PALM2AKAP2: variants seen among roughly 807,000 people sequenced by gnomAD.
PALM2AKAP2 encodes PALM2-AKAP2 fusion protein.
Under a neutral mutation model 71.5 loss-of-function variants are expected in PALM2AKAP2, and 37 were observed. The ratio of observed to expected loss-of-function variants is 0.52; its 90% CI spans 0.40 to 0.68. The LOEUF (loss-of-function observed/expected upper bound fraction) is 0.68, where lower values mean the gene tolerates loss of function less well. Ranked by LOEUF, PALM2AKAP2 falls within the 30% of genes least tolerant of loss-of-function variation. The pLI is 0.00. For missense variants in PALM2AKAP2, 1,224 were observed against 1,191.8 expected (o/e 1.03, Z -0.40); for synonymous variants, 468 against 478.8 (o/e 0.98, Z 0.29).
rs932094075 is a variant in PALM2AKAP2, at chr9:110,006,109, T to C, written c.497-9845T>C. On this transcript the variant is annotated intron_variant, in intron 6 of 9. Transcript: ENST00000302798. ...GGAAATGCAGAAATCGTTTGTCTTC[T>C]GCGTCACTCATGCTGGGAGCTATAG... 2.6e-5 allele frequency among the ~76,000 whole-genome samples: 4 copies of C among 152,344 alleles called. No homozygotes were observed. The South Asian group carries it at 8.3e-4, about 32-fold the overall frequency.
chr9:110,158,694 A>T (rs545214713), intron 3 of PALM2AKAP2, among the ~76,000 whole-genome samples: 132 of 152,352 alleles, frequency 8.7e-4, no homozygotes, highest in Non-Finnish European at 1.6e-3. Flanking sequence ...TATATTTTCC[A>T]GTAAATAAAC....
At chr9:110,037,567 C>T (rs1403610741) in intron 7 of PALM2AKAP2, among the ~76,000 whole-genome samples, 3 of 152,158 alleles carry the variant, frequency 2.0e-5, no homozygotes, top group African/African-American at 7.2e-5. Flanking sequence ...TAGAAATTAA[C>T]AAAAGAGACC....
chr9:110,145,310 G>A (rs1434997254), intron 2 of PALM2AKAP2, among the ~76,000 whole-genome samples: 1 of 152,140 alleles, frequency 6.6e-6, no homozygotes, highest in African/African-American at 2.4e-5. Flanking sequence ...AGATCTGAGC[G>A]GATAGCCAAG....
At chr9:110,138,513 C>T (rs769839334) in exon 2 of PALM2AKAP2, 6 of 1,609,140 alleles carry the variant, frequency 3.7e-6, no homozygotes, top group Non-Finnish European at 5.1e-6. Flanking sequence ...TCACTGCCCT[C>T]CAGAACATGC....
chr9:109,897,938 T>C (rs1367578884), intron 3 of PALM2AKAP2, among the ~76,000 whole-genome samples: 1 of 152,226 alleles, frequency 6.6e-6, no homozygotes, highest in Non-Finnish European at 1.5e-5. Flanking sequence ...GAAGCCCATT[T>C]ACTGTTTGGA....
At chr9:109,978,182 G>A (rs1052451430) in intron 6 of PALM2AKAP2, among the ~76,000 whole-genome samples, 4 of 152,142 alleles carry the variant, frequency 2.6e-5, no homozygotes, top group African/African-American at 9.7e-5. Context: ...GGGAGATGGA[G>A]AGAGGGGAGA....
intron 1 of PALM2AKAP2, among the ~76,000 whole-genome samples, chr9:109,784,911 G>C (rs566509497): frequency 6.6e-6 from 1 of 152,278 alleles, no homozygotes; most frequent in South Asian, 2.1e-4. Flanking sequence ...CTCCTTTTGA[G>C]AGTCTTTCAA....
intron 6 of PALM2AKAP2, among the ~76,000 whole-genome samples, chr9:109,978,937 G>A (rs1462377573): frequency 6.6e-6 from 1 of 152,030 alleles, no homozygotes; most frequent in East Asian, 1.9e-4. Flanking sequence ...AGGTACCACT[G>A]GGCCCCTGTT....
intron 1 of PALM2AKAP2, among the ~76,000 whole-genome samples, chr9:110,104,025 C>A (rs1055828611): frequency 6.6e-6 from 1 of 152,178 alleles, no homozygotes; most frequent in African/African-American, 2.4e-5. Context: ...TAGGACCAGT[C>A]AAGGGTTTGC....
intron 1 of PALM2AKAP2, among the ~76,000 whole-genome samples, chr9:109,660,854 C>T (rs1213789855): frequency 1.3e-5 from 2 of 152,126 alleles, no homozygotes; most frequent in Non-Finnish European, 2.9e-5. Flanking sequence ...TTAATGATTG[C>T]CATTCTAACT....
chr9:109,878,491 G>A (rs1471071530), intron 2 of PALM2AKAP2, among the ~76,000 whole-genome samples: 1 of 152,140 alleles, frequency 6.6e-6, no homozygotes, highest in African/African-American at 2.4e-5. Context: ...TAATCAAAGA[G>A]ATCTCTACAA....
chr9:109,714,654 A>G (rs1049852909), intron 1 of PALM2AKAP2, among the ~76,000 whole-genome samples: 1 of 152,140 alleles, frequency 6.6e-6, no homozygotes, highest in Non-Finnish European at 1.5e-5. Flanking sequence ...TAACACCGAT[A>G]ATTATGACCA....
At chr9:109,997,989 A>G (rs1248438231) in intron 6 of PALM2AKAP2, among the ~76,000 whole-genome samples, 1 of 152,238 alleles carries the variant, frequency 6.6e-6, no homozygotes, top group African/African-American at 2.4e-5. Flanking sequence ...CCAAGAACAA[A>G]GTGAGATTTT....
chr9:110,056,058 A>C (rs1362248359), intron 1 of PALM2AKAP2, among the ~76,000 whole-genome samples: 2 of 152,166 alleles, frequency 1.3e-5, no homozygotes, highest in Non-Finnish European at 2.9e-5. Flanking sequence ...GTCACCCAGT[A>C]GGGGGCAGGG....
intron 2 of PALM2AKAP2, among the ~76,000 whole-genome samples, chr9:110,138,747 G>T (rs1332229384): frequency 1.3e-5 from 2 of 152,218 alleles, no homozygotes; most frequent in African/African-American, 4.8e-5. Context: ...CATGGAGTTT[G>T]CCACTTTCCA....
intron 1 of PALM2AKAP2, among the ~76,000 whole-genome samples, chr9:109,865,096 C>CTTTTCTTTTTT (rs1829413801): frequency 2.6e-5 from 2 of 75,642 alleles, no homozygotes; most frequent in Non-Finnish European, 4.6e-5. Context: ...CTACTCATTC[C>CTTTTCTTTTTT]TTTTTTTTTT....
At chr9:109,814,759 A>T (rs766944262) in intron 1 of PALM2AKAP2, among the ~76,000 whole-genome samples, 4 of 152,376 alleles carry the variant, frequency 2.6e-5, no homozygotes, top group Middle Eastern at 6.8e-3. Context: ...ACCAAGACTC[A>T]TCTATCAACC....
chr9:110,021,712 T>A (rs1833076851), intron 7 of PALM2AKAP2, among the ~76,000 whole-genome samples: 1 of 151,650 alleles, frequency 6.6e-6, no homozygotes. Flanking sequence ...TATCCTATTC[T>A]GTTTTGTTGC....
intron 6 of PALM2AKAP2, among the ~76,000 whole-genome samples, chr9:109,970,735 G>A (rs4978863): frequency 0.4 from 60,873 of 152,068 alleles, 13,131 homozygotes; most frequent in Non-Finnish European, 0.49. Context: ...ATCTCATAGG[G>A]TTTTTGTAAA....
Sources: gnomAD v4.1 joint callset for allele counts (sites outside exome capture counted in the v4.1 genomes callset) on GRCh38, gnomAD v4.1.1 for gene constraint, MANE v1.5 for transcripts, NCBI Gene and HGNC (gene_info 2026-07-23, HGNC 2026-07-21) for gene names.